Variants in HTR1F observed in about 807,000 individuals in gnomAD.
HTR1F encodes 5-hydroxytryptamine (serotonin) receptor 1F, G protein-coupled.
In HTR1F, 17 loss-of-function variants were observed where a neutral mutation model predicts 24.0. The observed-to-expected ratio is 0.71, with a 90% CI of 0.48 to 1.06. The LOEUF is 1.06. Among genes scored for constraint, HTR1F ranks in the 50% least tolerant of loss-of-function variants. The pLI is 0.00. For synonymous variants in HTR1F, 186 were observed against 156.8 expected, an observed-to-expected ratio of 1.19 and a Z score of -1.39; for missense variants, 391 against 427.8, an observed-to-expected ratio of 0.91 and a Z score of 0.76.
chr3:87,856,133 C>G (rs1349557103), intron 2 of HTR1F, among the ~76,000 whole-genome samples: 3 of 151,928 alleles, frequency 2.0e-5, no homozygotes, highest in African/African-American at 7.2e-5. Context: ...TATATTGTTA[C>G]AATTTTTCAA....
chr3:87,924,146 T>A (rs2107384712), intron 2 of HTR1F, among the ~76,000 whole-genome samples: 1 of 152,210 alleles, frequency 6.6e-6, no homozygotes, highest in South Asian at 2.1e-4. Flanking sequence ...TTTGGAAGAC[T>A]TTTTATTAAT....
At chr3:87,961,039 G>C (rs1705049538) in intron 2 of HTR1F, among the ~76,000 whole-genome samples, 1 of 151,754 alleles carries the variant, frequency 6.6e-6, no homozygotes, top group South Asian at 2.1e-4. Flanking sequence ...CAAACTTTCT[G>C]ATGTCAAATA....
At chr3:87,843,927 T>TTTCTTAATCCACTAA (rs1272807150) in intron 2 of HTR1F, among the ~76,000 whole-genome samples, 5 of 151,604 alleles carry the variant, frequency 3.3e-5, no homozygotes, top group Non-Finnish European at 4.4e-5. Flanking sequence ...CAGTCTATCA[T>TTTCTTAATCCACTAA]TGTTGGACAT....
At chr3:87,976,704 C>T (rs192597219) in intron 2 of HTR1F, among the ~76,000 whole-genome samples, 37 of 152,114 alleles carry the variant, frequency 2.4e-4, no homozygotes, top group Admixed American at 7.2e-4. Context: ...AATATTTTTC[C>T]CTAGATTAAG....
chr3:87,812,685 C>CA (rs759267328), intron 1 of HTR1F, among the ~76,000 whole-genome samples: 2 of 152,150 alleles, frequency 1.3e-5, no homozygotes, highest in Non-Finnish European at 2.9e-5. Flanking sequence ...GCAGCCCCTG[C>CA]AATCACAGGT....
chr3:87,892,120 TC>T, intron 2 of HTR1F, among the ~76,000 whole-genome samples: 1 of 152,330 alleles, frequency 6.6e-6, no homozygotes, highest in East Asian at 1.9e-4. Flanking sequence ...TATCAATAGC[TC>T]TGTGACTTCT....
intron 2 of HTR1F, among the ~76,000 whole-genome samples, chr3:87,913,312 G>A (rs1343731793): frequency 1.3e-5 from 2 of 152,146 alleles, no homozygotes; most frequent in Non-Finnish European, 2.9e-5. Context: ...AGACAGACAT[G>A]TTGCCAACAG....
rs560692498 is a variant in HTR1F at position 87,914,473 on chromosome 3, C to T, written c.-42-76235C>T. 5.8e-4 allele frequency among the ~76,000 whole-genome samples: 88 copies of T among 152,210 alleles called. 1 individual carries two copies. The highest frequency in any genetic ancestry group is 1.9e-3 in the African/African-American group (80 of 41,552). On this transcript the variant is annotated intron_variant, in intron 2 of 2. Coordinates refer to ENST00000319595, the MANE Select transcript of HTR1F (RefSeq NM_001322209.2). ...CAAGTTCTCAAACCCTGCTCACACA[C>T]GGCCCAGAAACACACAGTGCTGTTA... is the stretch of plus-strand genomic sequence containing the variant.
At chr3:87,824,675 T>C (rs1405065531) in intron 2 of HTR1F, among the ~76,000 whole-genome samples, 1 of 152,178 alleles carries the variant, frequency 6.6e-6, no homozygotes, top group Non-Finnish European at 1.5e-5. Flanking sequence ...GATTGACAGC[T>C]GCACATAACC....
chr3:87,876,648 C>T (rs1705678219), intron 2 of HTR1F, among the ~76,000 whole-genome samples: 4 of 152,060 alleles, frequency 2.6e-5, no homozygotes, highest in Admixed American at 1.3e-4. Flanking sequence ...CTCTCAGAAA[C>T]TAAAAGTAAA....
intron 2 of HTR1F, among the ~76,000 whole-genome samples, chr3:87,854,584 T>C (rs1447473116): frequency 6.6e-6 from 1 of 152,036 alleles, no homozygotes; most frequent in African/African-American, 2.4e-5. Context: ...GTAATGCCAG[T>C]TTTGATATCC....
At chr3:87,953,374 TAGTG>T in intron 2 of HTR1F, among the ~76,000 whole-genome samples, 1 of 146,550 alleles carries the variant, frequency 6.8e-6, no homozygotes, top group Middle Eastern at 3.6e-3. Context: ...GAAAAGAAAA[TAGTG>T]AGCAAAGGAT....
intron 2 of HTR1F, among the ~76,000 whole-genome samples, chr3:87,848,783 A>G (rs1209792048): frequency 1.3e-5 from 2 of 151,656 alleles, no homozygotes; most frequent in Non-Finnish European, 1.5e-5. Flanking sequence ...ACCAATGTGC[A>G]AAAATCACAA....
chr3:87,881,533 C>G (rs1190584959), intron 2 of HTR1F, among the ~76,000 whole-genome samples: 3 of 152,164 alleles, frequency 2.0e-5, no homozygotes, highest in Non-Finnish European at 4.4e-5. Context: ...GCAGACAGAA[C>G]AGAGCCCTCA....
intron 2 of HTR1F, among the ~76,000 whole-genome samples, chr3:87,890,180 T>A (rs1285794105): frequency 2.6e-5 from 4 of 152,202 alleles, no homozygotes; most frequent in African/African-American, 9.6e-5. Context: ...GATGAAGGGT[T>A]TGCTCTTTGT....
chr3:87,941,606 T>C (rs1216133930), intron 2 of HTR1F, among the ~76,000 whole-genome samples: 2 of 152,158 alleles, frequency 1.3e-5, no homozygotes, highest in South Asian at 2.1e-4. Flanking sequence ...CCTGGCCAAA[T>C]AGATGGAGGC....
chr3:87,866,469 T>C (rs535646929), intron 2 of HTR1F, among the ~76,000 whole-genome samples: 58 of 152,178 alleles, frequency 3.8e-4, no homozygotes, highest in African/African-American at 1.4e-3. Flanking sequence ...TTGGAAAATA[T>C]TAAAATATGT....
At chr3:87,965,613 C>T (rs1705148043) in intron 2 of HTR1F, among the ~76,000 whole-genome samples, 3 of 152,190 alleles carry the variant, frequency 2.0e-5, no homozygotes, top group Non-Finnish European at 2.9e-5. Flanking sequence ...TCCAGGGACA[C>T]TAGATAATAA....
In HTR1F at chr3:87,823,930, G is replaced by T. The variant is rs554161144; in HGVS notation, c.-43+1806G>T. ...AAAAATTAGCTGGGCATGGTGGCGC[G>T]CCTGTAGTCCCAGCTACTCGGGAGG... On this transcript the variant is annotated intron_variant, in intron 2 of 2. Coordinates refer to ENST00000319595, the MANE Select transcript of HTR1F (RefSeq NM_001322209.2). Among the ~76,000 whole-genome samples, 4 of 151,734 alleles carry T rather than the reference G, an allele frequency of 2.6e-5. 1 individual carries two copies. Among genetic ancestry groups the T allele is most frequent in the African/African-American group, 9.7e-5 (4 of 41,436 alleles).
Sources: allele counts gnomAD v4.1 joint callset (sites outside exome capture counted in the v4.1 genomes callset), GRCh38; gene constraint gnomAD v4.1.1; transcripts MANE v1.5; gene names NCBI Gene and HGNC (gene_info 2026-07-23, HGNC 2026-07-21).